PRKG1: variants seen among roughly 807,000 people sequenced by gnomAD.
PRKG1 encodes protein kinase cGMP-dependent 1, also known as cGMP-dependent protein kinase 1.
PRKG1 carries 35 observed loss-of-function variants against 88.1 expected under a neutral mutation model. The ratio of observed to expected loss-of-function variants is 0.40; its 90% CI spans 0.30 to 0.53. PRKG1 has a LOEUF of 0.53. Ranked by LOEUF, PRKG1 falls within the 20% of genes least tolerant of loss-of-function variation. The pLI, the probability that PRKG1 is intolerant of heterozygous loss-of-function variation, is 0.59. For synonymous variants in PRKG1, 303 were observed against 292.5 expected (o/e 1.04, Z -0.37); for missense variants, 540 against 839.8 (o/e 0.64, Z 4.41).
intron 9 of PRKG1, among the ~76,000 whole-genome samples, chr10:52,172,502 C>T (rs1378217769): frequency 6.6e-6 from 1 of 152,198 alleles, no homozygotes; most frequent in African/African-American, 2.4e-5. Context: ...ATACATGTTT[C>T]TTTTCAATAG....
chr10:52,199,090 CTTTCT>C (rs762190749), intron 9 of PRKG1, among the ~76,000 whole-genome samples: 5 of 2,510 alleles, frequency 2.0e-3, no homozygotes, highest in Non-Finnish European at 2.6e-3. Flanking sequence ...CATCCTTGCT[CTTTCT>C]TTTTTTTTCC....
chr10:51,295,437 G>T (rs901651801), intron 2 of PRKG1, among the ~76,000 whole-genome samples: 1 of 151,888 alleles, frequency 6.6e-6, no homozygotes, highest in Non-Finnish European at 1.5e-5. Context: ...ATAGTTTGTT[G>T]TTTGTGTATA....
intron 3 of PRKG1, among the ~76,000 whole-genome samples, chr10:51,670,216 T>C (rs1422198908): frequency 6.6e-6 from 1 of 152,072 alleles, no homozygotes; most frequent in African/African-American, 2.4e-5. Context: ...ATATTTTTTA[T>C]CCAAATTTAC....
In PRKG1 at chr10:51,015,835, C is replaced by A. The variant is rs2879549; in HGVS notation, c.266+24191C>A. On this transcript the variant is annotated intron_variant, in intron 1 of 17. Coordinates refer to the PRKG1 transcript ENST00000401604. ...CTGGAAGGTGGAGGTTGCAGTGAGC[C>A]GAGATGGCGCCATTGCAGTTCAGCC... Among the ~76,000 whole-genome samples, 7 of 151,918 alleles carry A rather than the reference C, an allele frequency of 4.6e-5. No individual in the cohort carries two copies. The South Asian group carries it at 6.2e-4, about 14-fold the overall frequency.
intron 2 of PRKG1, among the ~76,000 whole-genome samples, chr10:51,170,621 T>C (rs1428101498): frequency 3.3e-5 from 5 of 151,650 alleles, no homozygotes; most frequent in Admixed American, 3.3e-4. Context: ...GAGGTGACAA[T>C]AGATAGTGCT....
chr10:51,680,170 G>A (rs1022384809), intron 3 of PRKG1, among the ~76,000 whole-genome samples: 1 of 151,912 alleles, frequency 6.6e-6, no homozygotes, highest in African/African-American at 2.4e-5. Context: ...TTAGCCACGA[G>A]CCAAATCCTT....
intron 9 of PRKG1, among the ~76,000 whole-genome samples, chr10:52,213,090 G>A (rs917601616): frequency 2.6e-5 from 4 of 151,806 alleles, no homozygotes; most frequent in African/African-American, 4.8e-5. Flanking sequence ...ATATTAATTC[G>A]GCTCTGAATA....
At chr10:51,908,734 A>ATATTTTTTTTT (rs563212069) in intron 5 of PRKG1, 1 of 52,222 alleles carries the variant, frequency 1.9e-5, no homozygotes, top group Non-Finnish European at 4.8e-5. Context: ...TCTATATGTA[A>ATATTTTTTTTT]TTTTTTTTTT....
intron 3 of PRKG1, among the ~76,000 whole-genome samples, chr10:51,604,371 A>G (rs1451672365): frequency 2.0e-5 from 3 of 152,240 alleles, no homozygotes; most frequent in African/African-American, 7.2e-5. Context: ...TGGCGTTTAT[A>G]AAAGTTGTTT....
chr10:51,056,651 A>T (rs1294703837), intron 1 of PRKG1, among the ~76,000 whole-genome samples: 4 of 152,178 alleles, frequency 2.6e-5, no homozygotes, highest in African/African-American at 9.7e-5. Context: ...CACAGCTCTG[A>T]TCATGACACT....
intron 5 of PRKG1, among the ~76,000 whole-genome samples, chr10:51,943,980 G>A (rs949269570): frequency 9.9e-5 from 15 of 152,020 alleles, no homozygotes; most frequent in African/African-American, 3.6e-4. Context: ...AAATGAGTTA[G>A]GGAGGATTCC....
At chr10:52,036,070 A>C (rs1034883295) in intron 5 of PRKG1, among the ~76,000 whole-genome samples, 2 of 152,120 alleles carry the variant, frequency 1.3e-5, no homozygotes, top group African/African-American at 4.8e-5. Context: ...TTATGCTGAG[A>C]TAGGTAACAG....
chr10:52,178,262 C>T (rs1224843121), intron 9 of PRKG1, among the ~76,000 whole-genome samples: 1 of 151,974 alleles, frequency 6.6e-6, no homozygotes, highest in Non-Finnish European at 1.5e-5. Context: ...TTTCTTCAGT[C>T]ATTGGTCATT....
chr10:51,057,141 C>CAT (rs553034642), intron 1 of PRKG1, among the ~76,000 whole-genome samples: 1 of 152,208 alleles, frequency 6.6e-6, no homozygotes, highest in African/African-American at 2.4e-5. Context: ...CGTATGCACA[C>CAT]ATATATATTG....
intron 1 of PRKG1, among the ~76,000 whole-genome samples, chr10:51,128,082 A>G (rs1845475539): frequency 6.6e-6 from 1 of 152,192 alleles, no homozygotes; most frequent in African/African-American, 2.4e-5. Context: ...CTAAGTAACA[A>G]ACCTCCATGT....
chr10:51,686,364 G>A (rs1022351373), intron 3 of PRKG1, among the ~76,000 whole-genome samples: 7 of 152,030 alleles, frequency 4.6e-5, no homozygotes, highest in East Asian at 1.9e-4. Context: ...GTTCTCGTTC[G>A]GCTCCCCCTT....
chr10:52,104,482 G>A (rs1847369109), intron 7 of PRKG1, among the ~76,000 whole-genome samples: 1 of 151,638 alleles, frequency 6.6e-6, no homozygotes, highest in African/African-American at 2.4e-5. Flanking sequence ...ATTTGCTGAG[G>A]TCTTAAATTT....
At chr10:52,150,149 A>AAATAATAATAATAATAAT (rs67354776) in intron 8 of PRKG1, among the ~76,000 whole-genome samples, 10,020 of 82,080 alleles carry the variant, frequency 0.12, 453 homozygotes, top group Middle Eastern at 0.15. Context: ...CTCCATCTCA[A>AAATAATAATAATAATAAT]AATAATAATA....
intron 3 of PRKG1, among the ~76,000 whole-genome samples, chr10:51,532,188 T>C (rs1320881197): frequency 4.6e-5 from 7 of 152,170 alleles, no homozygotes; most frequent in African/African-American, 1.7e-4. Context: ...GCTCTTATTG[T>C]CACACCTTAG....
Sources: gnomAD v4.1 joint callset for allele counts (sites outside exome capture counted in the v4.1 genomes callset) on GRCh38, gnomAD v4.1.1 for gene constraint, MANE v1.5 for transcripts, NCBI Gene and HGNC (gene_info 2026-07-23, HGNC 2026-07-21) for gene names.